Variants in MACROH2A1 observed in about 807,000 individuals in gnomAD.
MACROH2A1 encodes the protein core histone macro-H2A.1.
MACROH2A1 carries 2 observed loss-of-function variants against 31.6 expected under a neutral mutation model. The observed-to-expected ratio is 0.06, with a 90% CI of 0.03 to 0.20. The LOEUF (loss-of-function observed/expected upper bound fraction) is 0.20, where lower values mean the gene tolerates loss of function less well. MACROH2A1 is among the 10% of genes least tolerant of loss of function. The pLI is 1.00. For synonymous variants in MACROH2A1, 169 were observed against 189.6 expected (o/e 0.89, Z 0.89); for missense variants, 230 against 474.0 (o/e 0.49, Z 4.78).
chr5:135,380,496 G>C (rs1765516282), intron 2 of MACROH2A1, among the ~76,000 whole-genome samples: 1 of 152,100 alleles, frequency 6.6e-6, no homozygotes. Flanking sequence ...TCATGTTTTA[G>C]AACACACACT....
At chr5:135,357,449 C>T (rs574782509) in intron 5 of MACROH2A1, 6 of 152,282 alleles carry the variant, frequency 3.9e-5, no homozygotes, top group South Asian at 4.1e-4. Flanking sequence ...ACCCATGGTA[C>T]GTTATGCCCG....
chr5:135,360,282 G>A, intron 5 of MACROH2A1: 1 of 579,854 alleles, frequency 1.7e-6, no homozygotes, highest in South Asian at 2.0e-5. Flanking sequence ...TTTTACCACT[G>A]TCTCCCTTCC....
intron 1 of MACROH2A1, among the ~76,000 whole-genome samples, chr5:135,391,842 A>T (rs1316022620): frequency 6.6e-6 from 1 of 152,200 alleles, no homozygotes; most frequent in Non-Finnish European, 1.5e-5. Flanking sequence ...GCGTTGGTTC[A>T]GCCTCTTTAC....
chr5:135,365,874 T>C (rs1763437000), intron 4 of MACROH2A1, among the ~76,000 whole-genome samples: 1 of 152,164 alleles, frequency 6.6e-6, no homozygotes, highest in African/African-American at 2.4e-5. Flanking sequence ...AAAAGTCCAC[T>C]TGTAGAAGGG....
At position 135,369,992 on chromosome 5, in the gene MACROH2A1, G is replaced by T; in HGVS notation, c.279+44C>A. ...CTCAGCTATGTTTCTTGGGCAGTAT[G>T]ACCACCTGCTCAAACATCAGTGGGA... On this transcript the variant is annotated intron_variant, in intron 3 of 8. Transcript: ENST00000511689. This position sits in a 1 kb window ranked among gnomAD's most constrained non-coding sequence, Gnocchi z 4.3. The T allele has an allele frequency of 7.9e-7, 1 of 1,270,652 alleles. No homozygotes were observed. The highest frequency in any genetic ancestry group is 1.2e-5 in the South Asian group (1 of 81,338). 78.7% of individuals were successfully genotyped at this position (1,270,652 alleles called of 1,614,324 possible).
Position 135,398,002 on chromosome 5 carries a change from T to G in MACROH2A1, c.-34+1060A>C, listed in dbSNP as rs1201477936. On this transcript the variant is annotated intron_variant, in intron 1 of 8. Coordinates refer to ENST00000511689, the MANE Select transcript of MACROH2A1 (RefSeq NM_138610.3). This position sits in a 1 kb window ranked among gnomAD's most constrained non-coding sequence, Gnocchi z 4.6. ...TGCCCCCTCTAATTGTCTATTCTTA[T>G]GTGCTGTTTACTGGGTCATTAAAAT... is the stretch of plus-strand genomic sequence containing the variant. Among the ~76,000 whole-genome samples, 1 of 152,226 alleles carries G rather than the reference T, an allele frequency of 6.6e-6. No homozygotes were observed.
At chr5:135,377,410 G>A (rs1039315428) in intron 2 of MACROH2A1, among the ~76,000 whole-genome samples, 2 of 152,256 alleles carry the variant, frequency 1.3e-5, no homozygotes, top group Non-Finnish European at 2.9e-5. Flanking sequence ...AATCAGCGAT[G>A]TCTGCTGAAA....
At chr5:135,336,360 C>G (rs1383720142) in intron 8 of MACROH2A1, among the ~76,000 whole-genome samples, 2 of 152,266 alleles carry the variant, frequency 1.3e-5, no homozygotes, top group African/African-American at 4.8e-5. Context: ...CACACGGCTT[C>G]ACCCGGCTGG....
At chr5:135,335,488 A>G (rs1758495220) in intron 8 of MACROH2A1, among the ~76,000 whole-genome samples, 2 of 152,202 alleles carry the variant, frequency 1.3e-5, no homozygotes, top group African/African-American at 2.4e-5. Flanking sequence ...TTTGACTAGC[A>G]CAGTGCCTGA....
intron 2 of MACROH2A1, among the ~76,000 whole-genome samples, chr5:135,383,700 G>GGGGGT (rs781418165): frequency 1.5e-5 from 2 of 137,150 alleles, no homozygotes; most frequent in African/African-American, 5.8e-5. Context: ...GATGTGGTGT[G>GGGGGT]GTGTGTGTGT....
intron 8 of MACROH2A1, among the ~76,000 whole-genome samples, chr5:135,335,754 A>G (rs992820116): frequency 2.0e-5 from 3 of 152,196 alleles, no homozygotes; most frequent in African/African-American, 7.2e-5. Context: ...TTCCACTTCA[A>G]ATAAATGTCG....
intron 4 of MACROH2A1, chr5:135,360,823 T>TAA: frequency 1.5e-6 from 1 of 668,072 alleles, no homozygotes; most frequent in Non-Finnish European, 2.7e-6. Flanking sequence ...TTTATGATCG[T>TAA]AAAAAAAAAC....
chr5:135,381,423 C>G (rs1267234450), intron 2 of MACROH2A1, among the ~76,000 whole-genome samples: 1 of 151,744 alleles, frequency 6.6e-6, no homozygotes, highest in African/African-American at 2.4e-5. Context: ...TTAAATAAAA[C>G]TTAAAATGAA....
intron 2 of MACROH2A1, among the ~76,000 whole-genome samples, chr5:135,386,006 G>C (rs930487718): frequency 1.3e-5 from 2 of 152,166 alleles, no homozygotes; most frequent in African/African-American, 4.8e-5. Flanking sequence ...AAGTGAAGAG[G>C]AGAGCAGAAA....
At chr5:135,392,854 T>C (rs1767432956) in intron 1 of MACROH2A1, among the ~76,000 whole-genome samples, 1 of 152,242 alleles carries the variant, frequency 6.6e-6, no homozygotes, top group Non-Finnish European at 1.5e-5. Flanking sequence ...TTTTCTTATC[T>C]TTCAAGTGGA....
At chr5:135,368,910 C>T (rs186573075) in intron 4 of MACROH2A1, among the ~76,000 whole-genome samples, 1 of 152,342 alleles carries the variant, frequency 6.6e-6, no homozygotes, top group East Asian at 1.9e-4. Context: ...CTGAGTAATA[C>T]ATCCATTTTC....
intron 2 of MACROH2A1, among the ~76,000 whole-genome samples, chr5:135,377,577 C>A (rs1307788510): frequency 6.6e-6 from 1 of 152,164 alleles, no homozygotes; most frequent in Non-Finnish European, 1.5e-5. Context: ...CGTCTGCAAT[C>A]GGGCTACACA....
chr5:135,381,021 TACA>T lies in MACROH2A1; in HGVS notation c.172+7898_172+7900del, dbSNP rs577499975. Among the ~76,000 whole-genome samples, 22 of 152,272 alleles carry T rather than the reference TACA, an allele frequency of 1.4e-4. No individual in the cohort carries two copies. In the South Asian group the frequency reaches 4.1e-3, roughly 29 times the overall value. ...ACCTACTGGATATGGGAAATAAGTA[TACA>T]ACAAGACAAACAGATAAAGCAGAAA... On this transcript the variant is annotated intron_variant, in intron 2 of 8. Transcript: ENST00000511689.
At chr5:135,338,092 G>A in intron 8 of MACROH2A1, 1 of 809,868 alleles carries the variant, frequency 1.2e-6, no homozygotes, top group Non-Finnish European at 1.6e-6. Context: ...AAAATGGAAT[G>A]TGTAGGTGGA....
Sources: gnomAD v4.1 joint callset for allele counts (sites outside exome capture counted in the v4.1 genomes callset) on GRCh38, gnomAD v4.1.1 for gene constraint, Gnocchi (gnomAD v3.1) non-coding constraint, MANE v1.5 for transcripts, NCBI Gene and HGNC (gene_info 2026-07-23, HGNC 2026-07-21) for gene names.